Variants in RYR3 observed in about 807,000 individuals in gnomAD.
The protein encoded by RYR3 is ryanodine receptor 3, also known as brain ryanodine receptor-calcium release channel.
RYR3 carries 207 observed loss-of-function variants against 584.3 expected under a neutral mutation model. That is an observed-to-expected ratio of 0.35 (90% confidence interval 0.32 to 0.40). The LOEUF (loss-of-function observed/expected upper bound fraction) is 0.40. RYR3 is among the 10% of genes least tolerant of loss of function. RYR3 has a pLI of 1.00. For synonymous variants in RYR3, 2,416 were observed against 2,248.5 expected (o/e 1.07, Z -2.11); for missense variants, 5,616 against 6,089.2 (o/e 0.92, Z 2.59).
At chr15:33,434,977 C>G (rs994618755) in intron 1 of RYR3, among the ~76,000 whole-genome samples, 4 of 152,046 alleles carry the variant, frequency 2.6e-5, no homozygotes, top group African/African-American at 9.7e-5. Flanking sequence ...ACCACCATGC[C>G]TGGCTAATTT....
chr15:33,401,526 A>G (rs12594996), intron 1 of RYR3, among the ~76,000 whole-genome samples: 66,336 of 151,936 alleles, frequency 0.44, 14,744 homozygotes, highest in East Asian at 0.59. Context: ...GTTGCTGTAG[A>G]AATTCGAGAA....
chr15:33,627,799 T>G (rs1168975610), intron 20 of RYR3, among the ~76,000 whole-genome samples: 1 of 152,070 alleles, frequency 6.6e-6, no homozygotes, highest in Non-Finnish European at 1.5e-5. Flanking sequence ...GGGAGGCCAG[T>G]TATAAGGCTC....
At chr15:33,465,476 C>G (rs1240198620) in intron 1 of RYR3, among the ~76,000 whole-genome samples, 1 of 152,126 alleles carries the variant, frequency 6.6e-6, no homozygotes, top group Non-Finnish European at 1.5e-5. Flanking sequence ...ACCAATACTT[C>G]ATAGCTTTTG....
At chr15:33,719,720 G>C (rs2067764919) in intron 43 of RYR3, among the ~76,000 whole-genome samples, 1 of 152,132 alleles carries the variant, frequency 6.6e-6, no homozygotes, top group African/African-American at 2.4e-5. Flanking sequence ...GATTCTCCTG[G>C]GGCTTTTCTG....
chr15:33,435,072 G>T (rs1343718873), intron 1 of RYR3, among the ~76,000 whole-genome samples: 1 of 151,950 alleles, frequency 6.6e-6, no homozygotes, highest in African/African-American at 2.4e-5. Flanking sequence ...CGCCCGCCTC[G>T]ACCTCCCAAA....
At chr15:33,504,792 T>C (rs2052325881) in intron 3 of RYR3, among the ~76,000 whole-genome samples, 1 of 152,204 alleles carries the variant, frequency 6.6e-6, no homozygotes, top group Non-Finnish European at 1.5e-5. Flanking sequence ...GCCTCAAACA[T>C]GCCAGTTCTC....
chr15:33,581,455 A>G (rs748299), intron 13 of RYR3, 53 bp from the exon 14 acceptor site: 152,329 of 1,568,292 alleles, frequency 0.097, 8,378 homozygotes, highest in African/African-American at 0.21. Context: ...AGCATAAGGG[A>G]CTGTGCTTTC....
intron 1 of RYR3, among the ~76,000 whole-genome samples, chr15:33,397,503 G>T (rs2042370348): frequency 2.0e-5 from 3 of 152,154 alleles, no homozygotes; most frequent in African/African-American, 7.2e-5. Context: ...CATGGTCAGT[G>T]GTCTCTTTTC....
At chr15:33,594,738 A>G (rs1209047795) in intron 16 of RYR3, among the ~76,000 whole-genome samples, 2 of 152,302 alleles carry the variant, frequency 1.3e-5, no homozygotes, top group East Asian at 3.9e-4. Flanking sequence ...TTCAAACAAG[A>G]TAAAACAAGA....
At chr15:33,533,426 G>C (rs370182011) in intron 5 of RYR3, 37 bp downstream of exon 5, 18 of 1,471,642 alleles carry the variant, frequency 1.2e-5, no homozygotes, top group Non-Finnish European at 1.5e-5. Flanking sequence ...AGCTCAGCGG[G>C]GGTCTTGGGC....
At chr15:33,614,103 A>G (rs2060331847) in intron 19 of RYR3, among the ~76,000 whole-genome samples, 1 of 152,228 alleles carries the variant, frequency 6.6e-6, no homozygotes, top group South Asian at 2.1e-4. Flanking sequence ...TCTGAAAACC[A>G]TAAATTTGTT....
At position 33,603,351 on chromosome 15, in the gene RYR3, T is replaced by G. The variant is rs1450891798; in HGVS notation, c.2151T>G (p.Leu717=). 1 of 1,593,384 alleles carries G rather than the reference T, an allele frequency of 6.3e-7. No individual in the cohort carries two copies. Among genetic ancestry groups the G allele is most frequent in the South Asian group, 1.1e-5 (1 of 87,948 alleles). The part of the protein sequence containing the change: ...DDLYSYGFDG[L]HLWSGRIPRA... ...TGTACTCCTATGGCTTTGATGGACT[T>G]CACCTTTGGTCAGGTGAGTACCTTG... The change falls in exon 18 of 104, where the codon CTT becomes CTG. Residue 717 remains leucine (L), a synonymous_variant. Transcript: ENST00000634891.
chr15:33,548,394 G>A (rs2056413911), intron 9 of RYR3, among the ~76,000 whole-genome samples, 190 bp downstream of exon 9: 1 of 152,328 alleles, frequency 6.6e-6, no homozygotes, highest in African/African-American at 2.4e-5. Context: ...CAAAGCCACT[G>A]TGTTGACTCT....
chr15:33,644,566 G>T lies in RYR3; in HGVS notation c.3765+47G>T, dbSNP rs773774061. On this transcript the variant is annotated intron_variant, in intron 28 of 103. Transcript: ENST00000634891. The stretch of plus-strand genomic sequence containing the variant: ...GGCCCTGGCAGGTCAGGTGGGCCAA[G>T]GCCCTAAGCTTGCCCTAAGTCTCCT... The T allele has an allele frequency of 3.4e-6, 5 of 1,465,820 alleles. No individual in the cohort carries two copies. The East Asian group carries it at 1.2e-4, about 34-fold the overall frequency. The allele number at this position is 1,465,820 out of a possible 1,614,324, so 90.8% of individuals were successfully genotyped here.
chr15:33,486,636 A>G (rs1183006803), intron 2 of RYR3, among the ~76,000 whole-genome samples: 1 of 152,238 alleles, frequency 6.6e-6, no homozygotes, highest in Non-Finnish European at 1.5e-5. Context: ...ATAATAGGTC[A>G]AAGTACACAA....
chr15:33,706,759 T>C (rs974685527), intron 42 of RYR3, among the ~76,000 whole-genome samples, 160 bp from the exon 43 acceptor site: 2 of 152,238 alleles, frequency 1.3e-5, no homozygotes, highest in Non-Finnish European at 2.9e-5. Flanking sequence ...TCTGTAGTAC[T>C]GTTTTCCACA....
At chr15:33,533,508 G>A (rs1181569594) in intron 5 of RYR3, 119 bp downstream of exon 5, 1 of 628,072 alleles carries the variant, frequency 1.6e-6, no homozygotes, top group Non-Finnish European at 2.8e-6. Flanking sequence ...TTAAGAAATA[G>A]GTCTGAAAAA....
intron 20 of RYR3, among the ~76,000 whole-genome samples, chr15:33,625,162 G>A (rs898554953): frequency 3.3e-5 from 5 of 152,126 alleles, no homozygotes; most frequent in Admixed American, 6.5e-5. Context: ...AAGGCAGCAG[G>A]AGAGAGAGAG....
intron 4 of RYR3, among the ~76,000 whole-genome samples, chr15:33,531,749 G>A (rs990239241): frequency 7.9e-5 from 12 of 152,040 alleles, no homozygotes; most frequent in African/African-American, 2.4e-4. Flanking sequence ...ATGTCCAAAC[G>A]GAAGTGTATC....
Sources: gnomAD v4.1 joint callset for allele counts (sites outside exome capture counted in the v4.1 genomes callset) on GRCh38, gnomAD v4.1.1 for gene constraint, MANE v1.5 for transcripts, NCBI Gene and HGNC (gene_info 2026-07-23, HGNC 2026-07-21) for gene names.